Variants in RASGRF2 observed in about 807,000 individuals in gnomAD.
The protein encoded by RASGRF2 is Ras protein specific guanine nucleotide releasing factor 2.
In RASGRF2, 76 loss-of-function variants were observed where a neutral mutation model predicts 151.0. The ratio of observed to expected loss-of-function variants is 0.50; its 90% CI spans 0.42 to 0.61. The LOEUF (loss-of-function observed/expected upper bound fraction) is 0.61, where lower values mean the gene tolerates loss of function less well. Among genes scored for constraint, RASGRF2 ranks in the 20% least tolerant of loss-of-function variants. The pLI, the probability that RASGRF2 is intolerant of heterozygous loss-of-function variation, is 0.00. For synonymous variants in RASGRF2, 504 were observed against 566.5 expected (o/e 0.89, Z 1.57); for missense variants, 1,148 against 1,564.6 (o/e 0.73, Z 4.49).
intron 1 of RASGRF2, among the ~76,000 whole-genome samples, chr5:81,015,919 A>G (rs1282708033): frequency 1.3e-5 from 2 of 152,226 alleles, no homozygotes; most frequent in African/African-American, 2.4e-5. Flanking sequence ...AATCAATGCA[A>G]TGGTGTTTCC....
chr5:81,045,463 T>G (rs1039032225), intron 2 of RASGRF2, among the ~76,000 whole-genome samples: 28 of 152,198 alleles, frequency 1.8e-4, no homozygotes, highest in African/African-American at 6.8e-4. Flanking sequence ...CAGTAATTAT[T>G]TGGTGGTGTT....
chr5:80,977,855 T>C (rs969737367), intron 1 of RASGRF2, among the ~76,000 whole-genome samples: 2 of 152,250 alleles, frequency 1.3e-5, no homozygotes, highest in African/African-American at 4.8e-5. Flanking sequence ...TACAGATGTG[T>C]ATTCTGTTCA....
intron 2 of RASGRF2, among the ~76,000 whole-genome samples, chr5:81,045,241 A>G (rs1186785090): frequency 6.6e-6 from 1 of 152,188 alleles, no homozygotes; most frequent in African/African-American, 2.4e-5. Flanking sequence ...AGGAGTTAAA[A>G]TACATAATTT....
intron 15 of RASGRF2, among the ~76,000 whole-genome samples, chr5:81,117,618 C>T (rs989088947): frequency 1.3e-5 from 2 of 152,144 alleles, no homozygotes; most frequent in African/African-American, 2.4e-5. Context: ...AATTTATGTC[C>T]TTCTCACATG....
chr5:81,173,314 G>T (rs1449399652), intron 17 of RASGRF2, among the ~76,000 whole-genome samples: 1 of 152,150 alleles, frequency 6.6e-6, no homozygotes, highest in Non-Finnish European at 1.5e-5. Context: ...GGAGGCAGAG[G>T]TTGCAGTGAG....
chr5:81,212,680 CAAAG>C, intron 23 of RASGRF2, 117 bp downstream of exon 23: 2 of 999,306 alleles, frequency 2.0e-6, no homozygotes, highest in Non-Finnish European at 2.8e-6. Flanking sequence ...GCTCAGTTGC[CAAAG>C]AAAGGTGCCA....
intron 23 of RASGRF2, among the ~76,000 whole-genome samples, chr5:81,214,526 G>C (rs966166475): frequency 9.9e-5 from 15 of 152,244 alleles, no homozygotes; most frequent in Admixed American, 2.0e-4. Context: ...GTCTGTTGCT[G>C]TAGGACAGGT....
chr5:81,106,548 G>A (rs888335671), intron 12 of RASGRF2, among the ~76,000 whole-genome samples: 5 of 152,138 alleles, frequency 3.3e-5, no homozygotes, highest in African/African-American at 1.2e-4. Context: ...TGATTTCTCT[G>A]TCCTCTCTCT....
In RASGRF2 at chr5:81,149,122, C is replaced by T. The variant is rs188911186; in HGVS notation, c.2686+21959C>T. On this transcript the variant is annotated intron_variant, in intron 17 of 26. Transcript: ENST00000265080. ...ACTAAAAGTAGAACTACCATTCCAT[C>T]CAGCAATCCCACTATTGGGAAAATA... 7.9e-5 allele frequency among the ~76,000 whole-genome samples: 12 copies of T among 152,346 alleles called. No individual in the cohort carries two copies. The East Asian group carries it at 2.3e-3, about 29-fold the overall frequency.
chr5:81,034,801 G>C (rs535878620), intron 1 of RASGRF2, among the ~76,000 whole-genome samples: 1 of 88,258 alleles, frequency 1.1e-5, no homozygotes, highest in Non-Finnish European at 2.4e-5. Flanking sequence ...GACTGTTGTG[G>C]GGTGGGAGGG....
At chr5:81,045,008 C>T (rs1204692931) in intron 2 of RASGRF2, among the ~76,000 whole-genome samples, 1 of 152,176 alleles carries the variant, frequency 6.6e-6, no homozygotes, top group Admixed American at 6.5e-5. Context: ...GGAGAGCTTG[C>T]CACGAGTCAT....
chr5:81,136,041 C>G (rs1753745165), intron 17 of RASGRF2, among the ~76,000 whole-genome samples: 1 of 152,134 alleles, frequency 6.6e-6, no homozygotes, highest in Non-Finnish European at 1.5e-5. Context: ...GAGATGGAGT[C>G]TCACTCTGTC....
chr5:81,015,012 C>T lies in RASGRF2; in HGVS notation c.289-27865C>T, dbSNP rs567831571. ...ACGACTCACTGTATCCTTGACCTCC[C>T]GGACTCAAGCAGTCCTCCAACATCA... On this transcript the variant is annotated intron_variant, in intron 1 of 26. Transcript: ENST00000265080. Among the ~76,000 whole-genome samples the T allele has an allele frequency of 3.3e-4, 50 of 152,156 alleles. 1 individual carries two copies. Among genetic ancestry groups the T allele is most frequent in the African/African-American group, 1.0e-3 (42 of 41,512 alleles).
At chr5:81,198,550 C>T (rs2112709137) in intron 18 of RASGRF2, among the ~76,000 whole-genome samples, 1 of 152,258 alleles carries the variant, frequency 6.6e-6, no homozygotes, top group East Asian at 1.9e-4. Flanking sequence ...CACCATTCTC[C>T]TGCCTCAGCC....
At chr5:81,177,958 C>T (rs1442109195) in intron 17 of RASGRF2, among the ~76,000 whole-genome samples, 1 of 152,130 alleles carries the variant, frequency 6.6e-6, no homozygotes, top group Non-Finnish European at 1.5e-5. Context: ...AGGGCTAAAC[C>T]ACCAAAGACC....
At chr5:81,127,049 A>G in intron 16 of RASGRF2, 25 bp from the exon 17 acceptor site, 1 of 1,608,148 alleles carries the variant, frequency 6.2e-7, no homozygotes, top group Non-Finnish European at 8.5e-7. Context: ...TCACCATTCC[A>G]TTTCCTTTCT....
chr5:81,032,268 AAG>A (rs1750284567), intron 1 of RASGRF2, among the ~76,000 whole-genome samples: 1 of 152,204 alleles, frequency 6.6e-6, no homozygotes, highest in Non-Finnish European at 1.5e-5. Context: ...TCAACAGAAA[AAG>A]AGGGAATCCT....
chr5:81,001,361 C>T (rs1749074657), intron 1 of RASGRF2, among the ~76,000 whole-genome samples: 2 of 152,098 alleles, frequency 1.3e-5, no homozygotes, highest in Non-Finnish European at 1.5e-5. Context: ...TTTGAGTTCA[C>T]AACAGGCCTG....
intron 1 of RASGRF2, among the ~76,000 whole-genome samples, chr5:80,995,892 C>T (rs867151585): frequency 6.6e-6 from 1 of 152,052 alleles, no homozygotes; most frequent in Non-Finnish European, 1.5e-5. Flanking sequence ...GGTGTTTCAT[C>T]GTGTTGGCCA....
Sources: gnomAD v4.1 joint callset for allele counts (sites outside exome capture counted in the v4.1 genomes callset) on GRCh38, gnomAD v4.1.1 for gene constraint, MANE v1.5 for transcripts, NCBI Gene and HGNC (gene_info 2026-07-23, HGNC 2026-07-21) for gene names.